The following BRINP2 variants were observed in gnomAD, a reference collection of about 807,000 sequenced individuals.
BRINP2 encodes BMP/retinoic acid inducible neural specific 2, also known as BMP/retinoic acid-inducible neural-specific protein 2.
A neutral mutation model predicts 69.2 loss-of-function variants in BRINP2; 21 were observed. The observed-to-expected ratio is 0.30, with a 90% CI of 0.22 to 0.44. The LOEUF (loss-of-function observed/expected upper bound fraction) is 0.44, where lower values mean the gene tolerates loss of function less well. Ranked by LOEUF, BRINP2 falls within the 20% of genes least tolerant of loss-of-function variation. The pLI is 1.00. For synonymous variants in BRINP2, 380 were observed against 394.1 expected, an observed-to-expected ratio of 0.96 and a Z score of 0.42; for missense variants, 877 against 986.0, an observed-to-expected ratio of 0.89 and a Z score of 1.48.
At chr1:177,246,915 A>C (rs932776322) in intron 2 of BRINP2, among the ~76,000 whole-genome samples, 4 of 152,216 alleles carry the variant, frequency 2.6e-5, no homozygotes, top group African/African-American at 9.7e-5. Flanking sequence ...GTGTCTGGAA[A>C]TACTGCCTCT....
chr1:177,228,102 C>A (rs745942026), intron 1 of BRINP2, among the ~76,000 whole-genome samples: 1 of 152,174 alleles, frequency 6.6e-6, no homozygotes, highest in Non-Finnish European at 1.5e-5. Context: ...TATTCTGGGT[C>A]TCAATAAAAT....
intron 5 of BRINP2, chr1:177,275,014 C>A: frequency 2.4e-6 from 1 of 422,836 alleles, no homozygotes; most frequent in South Asian, 1.7e-5. Flanking sequence ...AAAGAGCTGG[C>A]AGACGTTTGA....
At chr1:177,218,585 C>T (rs1649440494) in intron 1 of BRINP2, among the ~76,000 whole-genome samples, 2 of 152,108 alleles carry the variant, frequency 1.3e-5, no homozygotes, top group African/African-American at 4.8e-5. Flanking sequence ...TCCTCCATTC[C>T]CCATTTCCAA....
intron 2 of BRINP2, among the ~76,000 whole-genome samples, chr1:177,243,461 A>C (rs1479094677): frequency 6.6e-6 from 1 of 152,168 alleles, no homozygotes; most frequent in African/African-American, 2.4e-5. Context: ...CCCTAGACCC[A>C]ACAAGCAAGA....
At position 177,257,435 on chromosome 1, in the gene BRINP2, C is replaced by A. The variant is rs776679414; in HGVS notation, c.669+51C>A. ...GGGGATGGGGGAAGCACTGAGGAACCAGGGGGAGGCCAGAGCCTCAACCAT... is the reference window on the plus strand; with the variant it reads ...GGGGATGGGGGAAGCACTGAGGAACAAGGGGGAGGCCAGAGCCTCAACCAT... On this transcript the variant is annotated intron_variant, in intron 4 of 7. Transcript: ENST00000361539. The A allele has an allele frequency of 8.0e-6, 12 of 1,499,236 alleles. No individual in the cohort carries two copies. The African/African-American group carries it at 1.7e-4, about 21-fold the overall frequency. The allele number at this position is 1,499,236 out of a possible 1,614,324, so 92.9% of individuals were successfully genotyped here. A position where few individuals can be genotyped will look rare whatever the true frequency, so the allele number is the denominator to read the frequency against.
chr1:177,259,345 G>C (rs371496957), intron 4 of BRINP2, among the ~76,000 whole-genome samples: 16 of 152,240 alleles, frequency 1.1e-4, no homozygotes, highest in African/African-American at 2.6e-4. Flanking sequence ...AGCTAGCGTA[G>C]GTTGGTTCAT....
chr1:177,199,705 C>T (rs1032036221), intron 1 of BRINP2, among the ~76,000 whole-genome samples: 2 of 152,228 alleles, frequency 1.3e-5, no homozygotes, highest in Non-Finnish European at 2.9e-5. Flanking sequence ...GATTCAAGCA[C>T]GTCCCAAGAT....
intron 1 of BRINP2, among the ~76,000 whole-genome samples, chr1:177,193,482 G>A (rs1351356772): frequency 6.6e-6 from 1 of 152,202 alleles, no homozygotes; most frequent in African/African-American, 2.4e-5. Context: ...TATAGGGGAT[G>A]TGGCCAGGAA....
intron 6 of BRINP2, among the ~76,000 whole-genome samples, chr1:177,277,744 T>C (rs972828869): frequency 1.3e-5 from 2 of 152,068 alleles, no homozygotes; most frequent in Non-Finnish European, 2.9e-5. Flanking sequence ...AACATGACTT[T>C]GGGCCTTTAC....
chr1:177,275,376 A>G (rs945354156), intron 5 of BRINP2, among the ~76,000 whole-genome samples: 1 of 152,140 alleles, frequency 6.6e-6, no homozygotes, highest in Non-Finnish European at 1.5e-5. Context: ...GACTGATCTC[A>G]GGGCATTGAC....
intron 7 of BRINP2, among the ~76,000 whole-genome samples, chr1:177,279,487 A>C (rs1651623161): frequency 6.6e-6 from 1 of 152,220 alleles, no homozygotes; most frequent in East Asian, 1.9e-4. Flanking sequence ...AATCTTGGCC[A>C]CATTTTGTGG....
At chr1:177,239,998 T>G (rs1038173259) in intron 2 of BRINP2, among the ~76,000 whole-genome samples, 41 of 152,270 alleles carry the variant, frequency 2.7e-4, no homozygotes, top group African/African-American at 9.9e-4. Context: ...GATGTGACAG[T>G]GAATCAGAGT....
rs777253911 is a variant in BRINP2 at position 177,278,626 on chromosome 1, C to G, written c.1076C>G (p.Ser359Cys). The change falls in exon 7 of 8, where the codon TCC becomes TGC. Residue 359 changes from serine to cysteine, a missense_variant. Ser to Cys is a moderately radical substitution (Grantham distance 112). This residue lies in a region of BRINP2 where 566 missense variants were observed against 625.2 expected (regional missense o/e 0.91). Transcript: ENST00000361539. ...CGGTTCCTGAACTCCACAGCTATCT[C>G]CCAGTTCTGGGCCATGGACACCAGC... ...DDRFLNSTAISQFWAMDTSLQ... is the reference protein window; with the variant it reads ...DDRFLNSTAICQFWAMDTSLQ... 3 of 1,614,096 alleles carry G rather than the reference C, an allele frequency of 1.9e-6. No individual in the cohort carries two copies. The highest frequency in any genetic ancestry group is 2.2e-5 in the East Asian group (1 of 44,888).
In BRINP2 at chr1:177,219,330, A is replaced by G. The variant is rs114931957; in HGVS notation, c.-76-10471A>G. Among the ~76,000 whole-genome samples the G allele has an allele frequency of 8.0e-3, 1,224 of 152,312 alleles. 17 individuals carry two copies. The highest frequency in any genetic ancestry group is 0.028 in the African/African-American group (1,179 of 41,558). On this transcript the variant is annotated intron_variant, in intron 1 of 7. Coordinates refer to ENST00000361539, the MANE Select transcript of BRINP2 (RefSeq NM_021165.4). ...TTCCACTAATACCAGTCAAAAGCCT[A>G]TGGGGGCCTAAAGAGAGAGCCCTTT...
At chr1:177,254,378 G>GCA (rs71565492) in intron 2 of BRINP2, among the ~76,000 whole-genome samples, 6,838 of 143,848 alleles carry the variant, frequency 0.048, 174 homozygotes, top group African/African-American at 0.078. Flanking sequence ...AAGCACACAT[G>GCA]CACACACACA....
chr1:177,226,198 G>C (rs753414795), intron 1 of BRINP2, among the ~76,000 whole-genome samples: 9 of 152,220 alleles, frequency 5.9e-5, no homozygotes, highest in Non-Finnish European at 1.0e-4. Context: ...TGCAACACAG[G>C]AGATCAGTGC....
rs1486230115 is a variant in BRINP2 at position 177,280,996 on chromosome 1, A to C, written c.1820A>C (p.Glu607Ala). ...GAGAGCTGGTTCATGCCTGTGAATG[A>C]GGGCAGCTTTCCTGACTGGGAAAGG... ...HSESWFMPVNEGSFPDWERTN... is the reference protein window; with the variant it reads ...HSESWFMPVNAGSFPDWERTN... Residue 607 changes from glutamate to alanine, a missense_variant, in exon 8 of 8, where the codon GAG becomes GCG. Physicochemically the swap from Glu to Ala is moderately radical, Grantham distance 107. Around this residue, in one of 3 missense-constraint regions of BRINP2, gnomAD observed 225 missense variants for 218.7 expected, o/e 1.03. Coordinates refer to ENST00000361539, the MANE Select transcript of BRINP2 (RefSeq NM_021165.4). 4 of 1,614,176 alleles carry C rather than the reference A, an allele frequency of 2.5e-6. No individual in the cohort carries two copies. The highest frequency in any genetic ancestry group is 1.3e-5 in the African/African-American group (1 of 75,048).
intron 1 of BRINP2, among the ~76,000 whole-genome samples, chr1:177,220,233 A>T (rs1226025197): frequency 1.3e-5 from 2 of 152,204 alleles, no homozygotes; most frequent in African/African-American, 4.8e-5. Context: ...GAGGCACAGA[A>T]GCCAAAAAGG....
At chr1:177,189,013 C>T (rs1648511344) in intron 1 of BRINP2, among the ~76,000 whole-genome samples, 1 of 152,086 alleles carries the variant, frequency 6.6e-6, no homozygotes, top group Non-Finnish European at 1.5e-5. Context: ...AAATCGGTAG[C>T]TCAAGAGGGT....
Sources: gnomAD v4.1 joint callset for allele counts (sites outside exome capture counted in the v4.1 genomes callset) on GRCh38, gnomAD v4.1.1 for gene constraint, gnomAD v4.1.1 regional missense constraint, MANE v1.5 for transcripts, NCBI Gene and HGNC (gene_info 2026-07-23, HGNC 2026-07-21) for gene names.